The following TCF7L1 variants were observed in gnomAD, a reference collection of about 807,000 sequenced individuals.
TCF7L1 encodes the protein transcription factor 7 like 1, also known as transcription factor 7-like 1.
TCF7L1 carries 18 observed loss-of-function variants against 63.7 expected under a neutral mutation model. That is an observed-to-expected ratio of 0.28 (90% confidence interval 0.20 to 0.42). The LOEUF (loss-of-function observed/expected upper bound fraction) is 0.42, where lower values mean the gene tolerates loss of function less well. Among genes scored for constraint, TCF7L1 ranks in the 10% least tolerant of loss-of-function variants. The pLI, the probability that TCF7L1 is intolerant of heterozygous loss-of-function variation, is 1.00. For missense variants in TCF7L1, 654 were observed against 779.3 expected, an observed-to-expected ratio of 0.84 and a Z score of 1.91; for synonymous variants, 355 against 340.9, an observed-to-expected ratio of 1.04 and a Z score of -0.46.
intron 3 of TCF7L1, among the ~76,000 whole-genome samples, chr2:85,204,101 A>G (rs1188472248): frequency 2.0e-5 from 3 of 152,162 alleles, no homozygotes; most frequent in Non-Finnish European, 4.4e-5. Context: ...AAAAAATCAA[A>G]CAGTACAAGT....
chr2:85,204,452 A>G (rs1679349916), intron 3 of TCF7L1, among the ~76,000 whole-genome samples: 1 of 152,190 alleles, frequency 6.6e-6, no homozygotes, highest in Admixed American at 6.5e-5. Context: ...AAAAAAGAAC[A>G]TACTTGAACA....
At position 85,309,336 on chromosome 2, in the gene TCF7L1, C is replaced by T. The variant is rs144847789; in HGVS notation, c.1641C>T (p.Pro547=). The change falls in exon 12 of 12, where the codon CCC becomes CCT. Residue 547 remains proline (P), a synonymous_variant. Coordinates refer to ENST00000282111, the MANE Select transcript of TCF7L1 (RefSeq NM_031283.3). ...SQPPLLSRPL[P]LGSMPTALLA... ...CTCCCCTCCTGTCCCGGCCCCTCCCCCTTGGGTCCATGCCCACAGCTCTGC... is the reference window on the plus strand; with the variant it reads ...CTCCCCTCCTGTCCCGGCCCCTCCCTCTTGGGTCCATGCCCACAGCTCTGC... 1.2e-6 allele frequency: 2 copies of T among 1,612,878 alleles called. No homozygotes were observed. The highest frequency in any genetic ancestry group is 1.7e-6 in the Non-Finnish European group (2 of 1,179,768).
At chr2:85,153,724 A>T (rs79983032) in intron 3 of TCF7L1, among the ~76,000 whole-genome samples, 2,818 of 152,298 alleles carry the variant, frequency 0.019, 30 homozygotes, top group Non-Finnish European at 0.029. Context: ...GTTTTCTAGA[A>T]TACATATTCT....
At position 85,134,585 on chromosome 2, in the gene TCF7L1, A is replaced by G; in HGVS notation, c.441+135A>G. On this transcript the variant is annotated intron_variant, in intron 3 of 11. Transcript: ENST00000282111. This position sits in a 1 kb window ranked among gnomAD's most constrained non-coding sequence, Gnocchi z 5.0. ...CAGAACTTGTTTGCGGAGTTGAACT[A>G]CTCTCTGGCGGCCGAGCGCGAGGCT... 1.6e-6 allele frequency: 2 copies of G among 1,244,322 alleles called. No individual in the cohort carries two copies. The highest frequency in any genetic ancestry group is 1.1e-6 in the Non-Finnish European group (1 of 929,764). 77.1% of individuals were successfully genotyped at this position (1,244,322 alleles called of 1,614,324 possible). A position where few individuals can be genotyped will look rare whatever the true frequency, so the allele number is the denominator to read the frequency against.
At chr2:85,188,689 G>A (rs1572983363) in intron 3 of TCF7L1, among the ~76,000 whole-genome samples, 1 of 152,158 alleles carries the variant, frequency 6.6e-6, no homozygotes, top group African/African-American at 2.4e-5. Flanking sequence ...CCTTTATTAT[G>A]TGTTTGAATC....
At chr2:85,147,427 G>A (rs927860189) in intron 3 of TCF7L1, among the ~76,000 whole-genome samples, 1 of 152,154 alleles carries the variant, frequency 6.6e-6, no homozygotes, top group African/African-American at 2.4e-5. Flanking sequence ...GATGCTGTGG[G>A]AACCCAAACC....
At chr2:85,142,255 C>T (rs982542724) in intron 3 of TCF7L1, among the ~76,000 whole-genome samples, 2 of 151,900 alleles carry the variant, frequency 1.3e-5, no homozygotes, top group African/African-American at 2.4e-5. Flanking sequence ...GGCGAAACCC[C>T]ATTGCTACAA....
At position 85,306,422 on chromosome 2, in the gene TCF7L1, CCGTGTG is replaced by C; in HGVS notation, c.1150-29_1150-24del. 1.9e-6 allele frequency: 3 copies of C among 1,613,936 alleles called. No homozygotes were observed. The highest frequency in any genetic ancestry group is 2.5e-6 in the Non-Finnish European group (3 of 1,179,842). ...AGGCAGCGTCCCTGCATTGATGGCT[CCGTGTG>C]GTCTCTGACCCTCTCTCCCCCAGTG... is the stretch of plus-strand genomic sequence containing the variant. On this transcript the variant is annotated intron_variant, in intron 9 of 11. Transcript: ENST00000282111. This position sits in a 1 kb window ranked among gnomAD's most constrained non-coding sequence, Gnocchi z 4.3.
chr2:85,247,937 C>G (rs991198215), intron 3 of TCF7L1, among the ~76,000 whole-genome samples: 5 of 152,092 alleles, frequency 3.3e-5, no homozygotes, highest in African/African-American at 1.2e-4. Context: ...AAAACAGAAG[C>G]GAATCTAGGC....
intron 3 of TCF7L1, among the ~76,000 whole-genome samples, chr2:85,190,274 G>A (rs139086452): frequency 5.9e-5 from 9 of 152,266 alleles, no homozygotes; most frequent in African/African-American, 2.2e-4. Flanking sequence ...TGAAAAGACT[G>A]GGCTCACCTC....
chr2:85,187,925 A>T (rs1213939944), intron 3 of TCF7L1, among the ~76,000 whole-genome samples: 2 of 152,230 alleles, frequency 1.3e-5, no homozygotes, highest in African/African-American at 4.8e-5. Context: ...AAACTGTGGT[A>T]TATCTATACC....
chr2:85,220,067 A>G (rs1679808263), intron 3 of TCF7L1, among the ~76,000 whole-genome samples: 1 of 152,214 alleles, frequency 6.6e-6, no homozygotes, highest in South Asian at 2.1e-4. Context: ...GGAACTTTTC[A>G]AAATAAAAAA....
At chr2:85,196,727 T>C (rs1460502311) in intron 3 of TCF7L1, among the ~76,000 whole-genome samples, 1 of 152,172 alleles carries the variant, frequency 6.6e-6, no homozygotes, top group African/African-American at 2.4e-5. Flanking sequence ...TAACCACAGC[T>C]TCTAGAGGAT....
At chr2:85,191,901 A>G (rs534596333) in intron 3 of TCF7L1, among the ~76,000 whole-genome samples, 1 of 152,144 alleles carries the variant, frequency 6.6e-6, no homozygotes, top group Admixed American at 6.5e-5. Flanking sequence ...AAGAAACTTC[A>G]TCTTCAAGTC....
At chr2:85,300,928 C>T (rs1346734683) in intron 4 of TCF7L1, among the ~76,000 whole-genome samples, 10 of 151,994 alleles carry the variant, frequency 6.6e-5, no homozygotes, top group Admixed American at 2.0e-4. Context: ...TATAGGCACA[C>T]GCCACCATGC....
At chr2:85,181,466 A>T (rs981492451) in intron 3 of TCF7L1, among the ~76,000 whole-genome samples, 1 of 152,162 alleles carries the variant, frequency 6.6e-6, no homozygotes, top group Non-Finnish European at 1.5e-5. Context: ...AAAGGAAGCA[A>T]GTAGCCCGGA....
intron 3 of TCF7L1, among the ~76,000 whole-genome samples, chr2:85,263,606 C>T (rs1270377323): frequency 6.6e-6 from 1 of 152,220 alleles, no homozygotes; most frequent in African/African-American, 2.4e-5. Flanking sequence ...AAGGTGTTCC[C>T]TTTCACTTTC....
Position 85,133,930 on chromosome 2 carries a change from G to C in TCF7L1, c.246G>C (p.Ser82=). 5 of 1,535,864 alleles carry C rather than the reference G, an allele frequency of 3.3e-6. No individual in the cohort carries two copies. The highest frequency in any genetic ancestry group is 4.4e-6 in the Non-Finnish European group (5 of 1,137,088). ...AGAACCAGAGCAGCAGCTCGGACTCGGAGGTAAGGAAGCACCGCGGCCACC... is the reference window on the plus strand; with the variant it reads ...AGAACCAGAGCAGCAGCTCGGACTCCGAGGTAAGGAAGCACCGCGGCCACC... ...ESENQSSSSD[S]EAERRPQPVR... The change falls in exon 1 of 12, where the codon TCG becomes TCC. Residue 82 remains serine (S), a synonymous_variant. Transcript: ENST00000282111. This position sits in a 1 kb window ranked among gnomAD's most constrained non-coding sequence, Gnocchi z 4.4.
intron 3 of TCF7L1, among the ~76,000 whole-genome samples, chr2:85,162,463 A>G (rs141367251): frequency 1.0e-3 from 152 of 152,130 alleles, no homozygotes; most frequent in Admixed American, 2.0e-3. Flanking sequence ...AAGCCAGGCC[A>G]CCCCTTATTA....
Sources: allele counts gnomAD v4.1 joint callset (sites outside exome capture counted in the v4.1 genomes callset), GRCh38; gene constraint gnomAD v4.1.1; non-coding constraint Gnocchi (gnomAD v3.1); transcripts MANE v1.5; gene names NCBI Gene and HGNC (gene_info 2026-07-23, HGNC 2026-07-21).